UTRN: variants seen among roughly 807,000 people sequenced by gnomAD.
UTRN encodes dystrophin-related protein 1.
Under a neutral mutation model 463.9 loss-of-function variants are expected in UTRN, and 283 were observed. That is an observed-to-expected ratio of 0.61 (90% CI 0.55 to 0.67). UTRN has a LOEUF of 0.67. UTRN is among the 30% of genes least tolerant of loss of function. The probability of loss-of-function intolerance (pLI) is 0.00; values close to 1 mark genes in which losing one functional copy is unlikely to be tolerated. For missense variants in UTRN, 3,922 were observed against 4,084.3 expected (o/e 0.96, Z 1.08); for synonymous variants, 1,442 against 1,431.5 (o/e 1.01, Z -0.17).
At chr6:144,416,779 T>C (rs1262548345) in intron 3 of UTRN, among the ~76,000 whole-genome samples, 3 of 152,222 alleles carry the variant, frequency 2.0e-5, no homozygotes, top group Non-Finnish European at 4.4e-5. Context: ...GACTGTTCAT[T>C]TATACCATTT....
chr6:144,795,718 G>A (rs952689893), intron 63 of UTRN, among the ~76,000 whole-genome samples: 1 of 152,018 alleles, frequency 6.6e-6, no homozygotes, highest in Admixed American at 6.6e-5. Flanking sequence ...TGATGGGGTT[G>A]TTTATTTTTT....
rs188393453 is a variant in UTRN at position 144,512,485 on chromosome 6, T to A, written c.4944+1362T>A. Among the ~76,000 whole-genome samples, 984 of 152,258 alleles carry A rather than the reference T, an allele frequency of 6.5e-3. 2 individuals carry two copies. The highest frequency in any genetic ancestry group is 0.024 in the Middle Eastern group (7 of 294). ...TTTATTAGTTCACATTTTCTTTTTT[T>A]AAAAATGTTTATTTTAAGTTCAGGG... On this transcript the variant is annotated intron_variant, in intron 35 of 74. Coordinates refer to ENST00000367545, the MANE Select transcript of UTRN (RefSeq NM_007124.3).
rs1782438213 is a variant in UTRN, at chr6:144,396,562, A to T, written c.80-6561A>T. ...TTACCACAATTAAAAAAAATCTATT[A>T]ATATGCCAAAAACGATTGAATTGTA... is the stretch of plus-strand genomic sequence containing the variant. On this transcript the variant is annotated intron_variant, in intron 2 of 74. Coordinates refer to ENST00000367545, the MANE Select transcript of UTRN (RefSeq NM_007124.3). Among the ~76,000 whole-genome samples the T allele has an allele frequency of 2.0e-5, 3 of 152,232 alleles. No homozygotes were observed. The South Asian group carries it at 6.2e-4, about 32-fold the overall frequency.
intron 60 of UTRN, among the ~76,000 whole-genome samples, 153 bp downstream of exon 60, chr6:144,774,517 G>C (rs1352077454): frequency 6.6e-6 from 1 of 151,784 alleles, no homozygotes; most frequent in Non-Finnish European, 1.5e-5. Context: ...TTCTATAAAT[G>C]TTTTATTACT....
intron 33 of UTRN, 99 bp from the exon 34 acceptor site, chr6:144,499,158 T>C (rs1189114570): frequency 3.1e-6 from 4 of 1,298,686 alleles, no homozygotes; most frequent in Admixed American, 2.2e-5. Context: ...GGGGGTTATA[T>C]ATGAATCAGT....
chr6:144,682,708 G>A (rs558585376), intron 52 of UTRN, among the ~76,000 whole-genome samples: 27 of 152,222 alleles, frequency 1.8e-4, no homozygotes, highest in African/African-American at 2.4e-4. Context: ...AGCTAAAGGC[G>A]TAAATGATCT....
At chr6:144,304,123 A>C (rs965680897) in intron 2 of UTRN, among the ~76,000 whole-genome samples, 3 of 152,244 alleles carry the variant, frequency 2.0e-5, no homozygotes, top group Non-Finnish European at 2.9e-5. Context: ...AGAAGAAAGA[A>C]GAGGCTGTTA....
intron 2 of UTRN, among the ~76,000 whole-genome samples, chr6:144,336,027 T>A (rs548746180): frequency 6.6e-6 from 1 of 152,262 alleles, no homozygotes; most frequent in South Asian, 2.1e-4. Context: ...TGGTACCAGC[T>A]GCGGCAGGAT....
At chr6:144,834,258 G>A (rs1032422452) in intron 69 of UTRN, among the ~76,000 whole-genome samples, 1 of 152,082 alleles carries the variant, frequency 6.6e-6, no homozygotes, top group African/African-American at 2.4e-5. Context: ...CTTAACCAAA[G>A]TATATGACCT....
intron 50 of UTRN, among the ~76,000 whole-genome samples, chr6:144,573,710 A>G (rs1158451636): frequency 6.6e-6 from 1 of 152,048 alleles, no homozygotes; most frequent in African/African-American, 2.4e-5. Context: ...ATAAAATAAA[A>G]TAAAATAAAA....
At chr6:144,755,753 A>G (rs1047062940) in intron 57 of UTRN, among the ~76,000 whole-genome samples, 2 of 152,140 alleles carry the variant, frequency 1.3e-5, no homozygotes, top group Non-Finnish European at 2.9e-5. Flanking sequence ...TTTCTCAATT[A>G]TGACAGTTTT....
Position 144,539,285 on chromosome 6 carries a change from C to T in UTRN, c.6370-9C>T. 6.3e-7 allele frequency: 1 copy of T among 1,598,252 alleles called. No homozygotes were observed. Among genetic ancestry groups the T allele is most frequent in the South Asian group, 1.1e-5 (1 of 88,088 alleles). The stretch of plus-strand genomic sequence containing the variant: ...CCTTCTAACCACACCTATCTTTTAA[C>T]TTCTCCAGGACTTAACTCAAGAAAT... On this transcript the variant is annotated splice_polypyrimidine_tract_variant and intron_variant, in intron 44 of 74. Coordinates refer to ENST00000367545, the MANE Select transcript of UTRN (RefSeq NM_007124.3).
intron 45 of UTRN, among the ~76,000 whole-genome samples, chr6:144,541,095 A>G (rs1276638185): frequency 1.3e-5 from 2 of 152,212 alleles, no homozygotes; most frequent in Admixed American, 1.3e-4. Context: ...ATTCTGTTCT[A>G]GACAAAGCAG....
intron 51 of UTRN, chr6:144,660,080 G>A (rs1779715648): frequency 2.6e-6 from 1 of 381,110 alleles, no homozygotes; most frequent in Non-Finnish European, 5.4e-6. Context: ...TGCTGCTGAT[G>A]GACCATAGCT....
intron 2 of UTRN, among the ~76,000 whole-genome samples, chr6:144,394,387 G>T (rs1311399287): frequency 6.6e-6 from 1 of 152,100 alleles, no homozygotes; most frequent in African/African-American, 2.4e-5. Context: ...AAAACCATCA[G>T]CTCTCATGAG....
chr6:144,559,720 T>C (rs1028333738), intron 50 of UTRN, among the ~76,000 whole-genome samples: 9 of 151,648 alleles, frequency 5.9e-5, no homozygotes, highest in African/African-American at 2.2e-4. Context: ...CCCATGAAAT[T>C]TTAATACCAT....
chr6:144,745,118 A>G (rs1271608486), intron 54 of UTRN, among the ~76,000 whole-genome samples: 1 of 152,090 alleles, frequency 6.6e-6, no homozygotes, highest in Non-Finnish European at 1.5e-5. Context: ...CTAACATGAC[A>G]CCGGGGTTCT....
intron 3 of UTRN, among the ~76,000 whole-genome samples, chr6:144,420,563 T>C (rs1784745768): frequency 6.6e-6 from 1 of 152,238 alleles, no homozygotes; most frequent in Admixed American, 6.5e-5. Context: ...GGATTATCTG[T>C]GGGAGTTGAT....
chr6:144,523,770 A>T (rs1249755509), intron 41 of UTRN, among the ~76,000 whole-genome samples: 1 of 152,166 alleles, frequency 6.6e-6, no homozygotes, highest in Admixed American at 6.5e-5. Flanking sequence ...AACTAAAGAA[A>T]TTTTTCATTA....
Sources: gnomAD v4.1 joint callset for allele counts (sites outside exome capture counted in the v4.1 genomes callset) on GRCh38, gnomAD v4.1.1 for gene constraint, MANE v1.5 for transcripts, NCBI Gene and HGNC (gene_info 2026-07-23, HGNC 2026-07-21) for gene names.